The following DCLK2 variants were observed in gnomAD, a reference collection of about 807,000 sequenced individuals.
The protein encoded by DCLK2 is doublecortin like kinase 2.
A neutral mutation model predicts 78.4 loss-of-function variants in DCLK2; 31 were observed. The ratio of observed to expected loss-of-function variants is 0.40; its 90% CI spans 0.30 to 0.53. The LOEUF (loss-of-function observed/expected upper bound fraction) is 0.53. Ranked by LOEUF, DCLK2 falls within the 20% of genes least tolerant of loss-of-function variation. The pLI, the probability that DCLK2 is intolerant of heterozygous loss-of-function variation, is 0.61. For missense variants in DCLK2, 872 were observed against 973.7 expected (o/e 0.90, Z 1.39); for synonymous variants, 407 against 374.9 (o/e 1.09, Z -0.99).
intron 3 of DCLK2, 150 bp from the exon 4 acceptor site, chr4:150,197,852 C>A: frequency 1.9e-6 from 1 of 523,414 alleles, no homozygotes; most frequent in South Asian, 3.2e-5. Context: ...CTCAGGTGTA[C>A]TTTTGGGACA....
chr4:150,252,654 A>T (rs1158928309), intron 15 of DCLK2, among the ~76,000 whole-genome samples: 2 of 152,204 alleles, frequency 1.3e-5, no homozygotes, highest in African/African-American at 4.8e-5. Context: ...TTTGCTGATG[A>T]GGAGTTCAGG....
At chr4:150,232,070 C>T (rs1032204248) in intron 8 of DCLK2, among the ~76,000 whole-genome samples, 3 of 152,144 alleles carry the variant, frequency 2.0e-5, no homozygotes, top group African/African-American at 7.2e-5. Flanking sequence ...AGCGAGAAGA[C>T]AGTATGCTTA....
chr4:150,176,767 G>T (rs1013731364), intron 2 of DCLK2, among the ~76,000 whole-genome samples: 5 of 152,146 alleles, frequency 3.3e-5, no homozygotes, highest in Admixed American at 6.5e-5. Context: ...CTTATGACAT[G>T]AGTTTCTGAC....
chr4:150,193,795 T>A (rs1034899452), intron 3 of DCLK2, among the ~76,000 whole-genome samples: 51 of 152,274 alleles, frequency 3.3e-4, no homozygotes, highest in African/African-American at 1.2e-3. Context: ...TCTCCCAGCC[T>A]GGAGTGCAGT....
intron 1 of DCLK2, among the ~76,000 whole-genome samples, chr4:150,086,509 T>TA (rs1356190723): frequency 6.2e-4 from 35 of 56,264 alleles, no homozygotes; most frequent in African/African-American, 2.5e-3. Flanking sequence ...TCTTTTTATT[T>TA]TTTTTTTTTT....
At chr4:150,132,841 C>A (rs1038039974) in intron 2 of DCLK2, among the ~76,000 whole-genome samples, 2 of 152,130 alleles carry the variant, frequency 1.3e-5, no homozygotes, top group African/African-American at 4.8e-5. Context: ...TTGCCCAAGC[C>A]AGTCTCAAAC....
intron 3 of DCLK2, among the ~76,000 whole-genome samples, chr4:150,195,468 T>A (rs1470504325): frequency 1.1e-5 from 1 of 88,590 alleles, no homozygotes; most frequent in African/African-American, 4.2e-5. Flanking sequence ...TATTATATAT[T>A]ATATATATTA....
At chr4:150,114,756 C>T (rs913173513) in intron 2 of DCLK2, among the ~76,000 whole-genome samples, 1 of 152,156 alleles carries the variant, frequency 6.6e-6, no homozygotes, top group East Asian at 1.9e-4. Context: ...GAGAAGTCTT[C>T]CATTAGTCTG....
chr4:150,183,870 C>A (rs1214670848), intron 2 of DCLK2, among the ~76,000 whole-genome samples: 1 of 151,792 alleles, frequency 6.6e-6, no homozygotes, highest in Non-Finnish European at 1.5e-5. Context: ...GTAGCTGGGA[C>A]CACAGGCATG....
chr4:150,105,189 A>T (rs1343407335), intron 2 of DCLK2, among the ~76,000 whole-genome samples: 1 of 152,180 alleles, frequency 6.6e-6, no homozygotes, highest in Non-Finnish European at 1.5e-5. Context: ...AAATGGGAAC[A>T]GATTTTCTAA....
At chr4:150,232,976 A>G (rs549177110) in intron 10 of DCLK2, 148 bp downstream of exon 10, 4 of 991,570 alleles carry the variant, frequency 4.0e-6, no homozygotes, top group South Asian at 1.8e-5. Context: ...GTCAATGACC[A>G]TCAAATACTA....
chr4:150,180,265 G>A (rs562045449), intron 2 of DCLK2, among the ~76,000 whole-genome samples: 70 of 152,202 alleles, frequency 4.6e-4, no homozygotes, highest in African/African-American at 1.4e-3. Context: ...GTGTAAAATC[G>A]GAATGGTAGT....
chr4:150,159,490 G>A (rs989333458), intron 2 of DCLK2, among the ~76,000 whole-genome samples: 7 of 152,200 alleles, frequency 4.6e-5, no homozygotes, highest in African/African-American at 1.2e-4. Flanking sequence ...CTAGGCATGG[G>A]CCAATTAAAT....
chr4:150,110,347 G>T (rs562869609), intron 2 of DCLK2, among the ~76,000 whole-genome samples: 2 of 152,192 alleles, frequency 1.3e-5, no homozygotes, highest in East Asian at 1.9e-4. Flanking sequence ...TATAATAATG[G>T]TTATCACAAT....
In DCLK2 at chr4:150,220,297, A is replaced by C. The variant is rs549465580; in HGVS notation, c.1057-406A>C. 2.0e-5 allele frequency among the ~76,000 whole-genome samples: 3 copies of C among 152,332 alleles called. No homozygotes were observed. In the South Asian group the frequency reaches 6.2e-4, roughly 32 times the overall value. On this transcript the variant is annotated intron_variant, in intron 5 of 15. Coordinates refer to ENST00000296550, the MANE Select transcript of DCLK2 (RefSeq NM_001040260.4). ...AAATTGCAGTTGTCCATCAGTTGTCATTTATCATGAGGAAATAAAATGATT... is the reference window on the plus strand; with the variant it reads ...AAATTGCAGTTGTCCATCAGTTGTCCTTTATCATGAGGAAATAAAATGATT...
Position 150,232,666 on chromosome 4 carries a change from T to C in DCLK2, c.1420-16T>C. On this transcript the variant is annotated splice_polypyrimidine_tract_variant and intron_variant, in intron 9 of 15. Transcript: ENST00000296550. The stretch of plus-strand genomic sequence containing the variant: ...CACTGTTGATGCTTTGATATGTTCT[T>C]TTATGTATCGTTTAGGGTGGAGATC... 1 of 1,613,030 alleles carries C rather than the reference T, an allele frequency of 6.2e-7. No homozygotes were observed.
chr4:150,168,302 G>A (rs1017166298), intron 2 of DCLK2, among the ~76,000 whole-genome samples: 17 of 151,118 alleles, frequency 1.1e-4, no homozygotes, highest in Admixed American at 9.9e-4. Context: ...AGCCGAGATC[G>A]TGTCACTGCA....
intron 2 of DCLK2, among the ~76,000 whole-genome samples, chr4:150,111,610 A>G (rs921733962): frequency 6.6e-6 from 1 of 152,112 alleles, no homozygotes; most frequent in African/African-American, 2.4e-5. Context: ...TTATGGCTTC[A>G]AGTCTTAGAT....
intron 5 of DCLK2, among the ~76,000 whole-genome samples, chr4:150,209,399 A>T (rs557443703): frequency 8.5e-5 from 13 of 152,322 alleles, no homozygotes; most frequent in African/African-American, 2.9e-4. Context: ...AAATAAAGAC[A>T]ATTCATGCCA....
Sources: gnomAD v4.1 joint callset for allele counts (sites outside exome capture counted in the v4.1 genomes callset) on GRCh38, gnomAD v4.1.1 for gene constraint, MANE v1.5 for transcripts, NCBI Gene and HGNC (gene_info 2026-07-23, HGNC 2026-07-21) for gene names.